The following DHRS4L2 variants were observed in gnomAD, a reference collection of about 807,000 sequenced individuals.
DHRS4L2 encodes the protein dehydrogenase/reductase 4 like 2.
Under a neutral mutation model 23.9 loss-of-function variants are expected in DHRS4L2, and 22 were observed. The observed-to-expected ratio is 0.92, with a 90% CI of 0.66 to 1.31. The LOEUF is 1.31. Among genes scored for constraint, DHRS4L2 ranks in the 40% most tolerant of loss-of-function variants. DHRS4L2 has a pLI of 0.00. For missense variants in DHRS4L2, 385 were observed against 303.3 expected (o/e 1.27, Z -2.00); for synonymous variants, 141 against 123.7 (o/e 1.14, Z -0.93).
upstream of DHRS4L2, among the ~76,000 whole-genome samples, chr14:23,985,700 T>C (rs779172530): frequency 2.6e-5 from 4 of 151,478 alleles, no homozygotes; most frequent in Non-Finnish European, 4.4e-5. Context: ...CCCTGAAAGG[T>C]TTCTTGTTCC....
upstream of DHRS4L2, chr14:23,988,832 T>G (rs1265467099): frequency 1.4e-6 from 2 of 1,436,480 alleles, no homozygotes; most frequent in Non-Finnish European, 1.8e-6. Flanking sequence ...GACTCCCAGC[T>G]GGCCGAGGGC....
intron 1 of DHRS4L2, among the ~76,000 whole-genome samples, chr14:23,974,427 TA>T (rs966143790): frequency 2.2e-4 from 31 of 144,040 alleles, no homozygotes; most frequent in Admixed American, 3.4e-4. Flanking sequence ...ATAGAGACAT[TA>T]AAAAAAAAAC....
At chr14:23,996,585 G>A (rs2034386667) in intron 3 of DHRS4L2, among the ~76,000 whole-genome samples, 1 of 150,210 alleles carries the variant, frequency 6.7e-6, no homozygotes, top group African/African-American at 2.4e-5. Context: ...GAGATTTGCT[G>A]CTAACCATTT....
rs141977159 is a variant in DHRS4L2 at position 23,977,522 on chromosome 14, C to T, written c.-176+7190C>T. 6.9e-3 allele frequency among the ~76,000 whole-genome samples: 1,031 copies of T among 149,276 alleles called. 15 individuals carry two copies. Among genetic ancestry groups the T allele is most frequent in the Middle Eastern group, 0.017 (5 of 294 alleles). Reference sequence around the variant, plus strand: ...TAGAGCAGCAGGTAAATTCACTTTACGGGGAAAAATTCATCAAAACTGCTT... The same window carrying T: ...TAGAGCAGCAGGTAAATTCACTTTATGGGGAAAAATTCATCAAAACTGCTT... On this transcript the variant is annotated intron_variant, in intron 1 of 5. Coordinates refer to the DHRS4L2 transcript ENST00000534993.
chr14:23,987,886 T>C (rs1217938799), upstream of DHRS4L2, among the ~76,000 whole-genome samples: 2 of 144,494 alleles, frequency 1.4e-5, no homozygotes, highest in African/African-American at 5.3e-5. Flanking sequence ...CTTTCTACAC[T>C]GTACCATAAG....
intron 3 of DHRS4L2, among the ~76,000 whole-genome samples, chr14:23,999,371 A>C (rs1220703373): frequency 7.9e-5 from 11 of 138,734 alleles, no homozygotes; most frequent in Middle Eastern, 3.5e-3. Context: ...AAAAAAAAAA[A>C]AAACAATATC....
At chr14:23,993,467 T>C (rs947416475) in intron 2 of DHRS4L2, among the ~76,000 whole-genome samples, 2 of 151,578 alleles carry the variant, frequency 1.3e-5, no homozygotes, top group Non-Finnish European at 2.9e-5. Flanking sequence ...CCCCTCTCTG[T>C]GCCAAATCCA....
At chr14:23,990,142 T>A (rs370596373) in intron 1 of DHRS4L2, 40 bp from the exon 2 acceptor site, 1 of 1,605,774 alleles carries the variant, frequency 6.2e-7, no homozygotes. Context: ...CCTCTTCCCC[T>A]GCACAGGCCT....
upstream of DHRS4L2, chr14:23,988,677 G>C: frequency 1.2e-6 from 1 of 816,122 alleles, no homozygotes; most frequent in South Asian, 3.2e-5. Context: ...GGGGGCCAGG[G>C]GAGGGGCGAG....
intron 1 of DHRS4L2, among the ~76,000 whole-genome samples, chr14:23,974,279 A>G (rs540285811): frequency 6.2e-4 from 92 of 148,698 alleles, no homozygotes; most frequent in African/African-American, 2.4e-3. Context: ...AGCACTGAAT[A>G]CCCACAAGAG....
At chr14:23,972,181 C>G (rs1436022207) in intron 1 of DHRS4L2, among the ~76,000 whole-genome samples, 1 of 151,988 alleles carries the variant, frequency 6.6e-6, no homozygotes, top group Non-Finnish European at 1.5e-5. Context: ...AGCTGCGGAC[C>G]CTCGCGGTGA....
chr14:23,988,372 C>A (rs1046004454), upstream of DHRS4L2, among the ~76,000 whole-genome samples: 12 of 148,142 alleles, frequency 8.1e-5, no homozygotes, highest in African/African-American at 2.9e-4. Flanking sequence ...TGGAAGAGAC[C>A]TTGGGCAGAG....
At chr14:23,988,849 G>C (rs928810797), upstream of DHRS4L2, 29 of 1,477,216 alleles carry the variant, frequency 2.0e-5, 2 homozygotes, top group African/African-American at 5.6e-5. Flanking sequence ...GGGCGGGAAG[G>C]GGGCAGGCAG....
chr14:23,998,424 T>C lies in DHRS4L2; in HGVS notation c.409-2439T>C, dbSNP rs561567619. Among the ~76,000 whole-genome samples the C allele has an allele frequency of 5.2e-3, 789 of 151,036 alleles. 4 individuals carry two copies. The highest frequency in any genetic ancestry group is 0.018 in the African/African-American group (737 of 41,370). ...CCTCTCTAGCTATTAAAGCCCTACA[T>C]GGCATCTTCTTCCACTAGAAGGTTG... On this transcript the variant is annotated intron_variant, in intron 3 of 7. Coordinates refer to ENST00000335125, the MANE Select transcript of DHRS4L2 (RefSeq NM_198083.4).
At chr14:23,999,354 A>T (rs1444254792) in intron 3 of DHRS4L2, among the ~76,000 whole-genome samples, 1 of 116,822 alleles carries the variant, frequency 8.6e-6, no homozygotes, top group Admixed American at 7.8e-5. Context: ...TAAAAAAAAA[A>T]AAAAAAAAAA....
At chr14:23,972,277 T>C (rs551156106) in intron 1 of DHRS4L2, among the ~76,000 whole-genome samples, 1 of 152,146 alleles carries the variant, frequency 6.6e-6, no homozygotes, top group Admixed American at 6.5e-5. Flanking sequence ...TCTGGTGGGT[T>C]CGTGGTCTTG....
chr14:23,984,515 G>T (rs2008661), upstream of DHRS4L2, among the ~76,000 whole-genome samples: 22 of 151,388 alleles, frequency 1.5e-4, 2 homozygotes, highest in South Asian at 4.6e-3. Flanking sequence ...TAAAACACCC[G>T]ACCGGGCGCA....
intron 5 of DHRS4L2, 149 bp downstream of exon 5, chr14:24,001,233 T>G: frequency 6.5e-6 from 10 of 1,533,714 alleles, no homozygotes; most frequent in Non-Finnish European, 8.8e-6. Context: ...CCACAAACCA[T>G]AACCTAGGGG....
chr14:23,974,035 C>G (rs959631017), intron 1 of DHRS4L2, among the ~76,000 whole-genome samples: 2 of 151,522 alleles, frequency 1.3e-5, no homozygotes, highest in Non-Finnish European at 2.9e-5. Flanking sequence ...GAACAGCAAT[C>G]ACAACAAACT....
Sources: allele counts gnomAD v4.1 joint callset (sites outside exome capture counted in the v4.1 genomes callset), GRCh38; gene constraint gnomAD v4.1.1; transcripts MANE v1.5; gene names NCBI Gene and HGNC (gene_info 2026-07-23, HGNC 2026-07-21).